The following TRIM14 variants were observed in gnomAD, a reference collection of about 807,000 sequenced individuals.
The protein encoded by TRIM14 is tripartite motif-containing protein 14.
A neutral mutation model predicts 44.5 loss-of-function variants in TRIM14; 28 were observed. The observed-to-expected ratio is 0.63, with a 90% CI of 0.47 to 0.86. TRIM14 has a LOEUF of 0.86. TRIM14 is among the 40% of genes least tolerant of loss of function. The pLI is 0.00. For synonymous variants in TRIM14, 299 were observed against 269.2 expected, an observed-to-expected ratio of 1.11 and a Z score of -1.08; for missense variants, 607 against 611.1, an observed-to-expected ratio of 0.99 and a Z score of 0.07.
rs1825688356 is a variant in TRIM14, at chr9:98,084,387, A to G, written c.*3083T>C. 6.6e-6 allele frequency: 1 copy of G among 152,240 alleles called. No homozygotes were observed. Among genetic ancestry groups the G allele is most frequent in the African/African-American group, 2.4e-5 (1 of 41,446 alleles). The allele number at this position is 152,240 out of a possible 1,614,324, so 9.4% of individuals were successfully genotyped here. A position where few individuals can be genotyped will look rare whatever the true frequency, so the allele number is the denominator to read the frequency against. The stretch of plus-strand genomic sequence containing the variant: ...ACATTATTCACATTTTATTAAACCA[A>G]ATATTAGAAAATTGCTGTCATTTAA... On this transcript the variant is annotated 3_prime_UTR_variant, in exon 6 of 6. Transcript: ENST00000341469.
the TRIM14 span, among the ~76,000 whole-genome samples, chr9:98,056,567 C>G: frequency 2.0e-5 from 3 of 152,158 alleles, no homozygotes; most frequent in Admixed American, 2.0e-4. Context: ...AGGAGAGGGC[C>G]GCGGAGCTTC....
At position 98,095,391 on chromosome 9, in the gene TRIM14, C is replaced by T. The variant is rs1826149904; in HGVS notation, c.538-362G>A. Among the ~76,000 whole-genome samples the T allele has an allele frequency of 1.3e-5, 2 of 152,220 alleles. No homozygotes were observed. The highest frequency in any genetic ancestry group is 2.9e-5 in the Non-Finnish European group (2 of 68,034). On this transcript the variant is annotated intron_variant, in intron 3 of 5. Transcript: ENST00000341469. The surrounding 1 kb of genome is among the most constrained non-coding windows in gnomAD (Gnocchi z 4.1). ...GCCCTTCCCAGAGAGGCTTCAGCCT[C>T]ACACACACTGCGCCACGGGTCTGCC...
chr9:98,105,874 C>T (rs951873846), intron 2 of TRIM14, among the ~76,000 whole-genome samples: 2 of 152,188 alleles, frequency 1.3e-5, no homozygotes, highest in African/African-American at 2.4e-5. Flanking sequence ...ACTCCACCCC[C>T]GGGCCCAGGG....
chr9:98,103,673 C>T (rs1481634031), intron 2 of TRIM14, among the ~76,000 whole-genome samples: 1 of 151,848 alleles, frequency 6.6e-6, no homozygotes, highest in East Asian at 1.9e-4. Flanking sequence ...CCTGTCTCTA[C>T]TAAAGATATA....
At chr9:98,070,254 A>G (rs1182440605) in intron 6 of TRIM14, among the ~76,000 whole-genome samples, 1 of 152,116 alleles carries the variant, frequency 6.6e-6, no homozygotes, top group Non-Finnish European at 1.5e-5. Context: ...AGTAGCTGGG[A>G]CTACAGGTGT....
chr9:98,056,997 C>T, the TRIM14 span: 1 of 1,494,762 alleles, frequency 6.7e-7, no homozygotes. Flanking sequence ...CGGGGCGGGG[C>T]CGCGGGGAGC....
chr9:98,093,596 C>A (rs1826076835), intron 4 of TRIM14, among the ~76,000 whole-genome samples: 1 of 152,098 alleles, frequency 6.6e-6, no homozygotes. Flanking sequence ...GCTCTCTGGC[C>A]CTTCAGACCC....
At chr9:98,069,125 A>G (rs1829236238), downstream of TRIM14, 1 of 152,212 alleles carries the variant, frequency 6.6e-6, no homozygotes, top group Admixed American at 6.5e-5. Flanking sequence ...ACATTCATAC[A>G]AAAACCTGTA....
the TRIM14 span, among the ~76,000 whole-genome samples, chr9:98,036,889 G>A: frequency 1.6e-4 from 24 of 152,220 alleles, no homozygotes; most frequent in Admixed American, 8.5e-4. Flanking sequence ...CCCTGGCCCC[G>A]TAGGACACAG....
downstream of TRIM14, chr9:98,082,810 T>C (rs375501026): frequency 8.7e-6 from 14 of 1,602,544 alleles, no homozygotes; most frequent in Non-Finnish European, 1.0e-5. Context: ...TAGTTACTTC[T>C]GTGAAGCTGG....
chr9:98,098,125 C>G (rs148756859), intron 3 of TRIM14, among the ~76,000 whole-genome samples: 1 of 152,294 alleles, frequency 6.6e-6, no homozygotes, highest in African/African-American at 2.4e-5. Context: ...GTTGGTGCCA[C>G]TTTTAGTTGT....
Position 98,116,457 on chromosome 9 carries a change from G to A in TRIM14, c.207+2525C>T, listed in dbSNP as rs1403226557. Reference sequence around the variant, plus strand: ...AAGATATTTTGGGACCTTGAGAAGAGAATAATTCACCCAATGTGTATGGGT... The same window carrying A: ...AAGATATTTTGGGACCTTGAGAAGAAAATAATTCACCCAATGTGTATGGGT... On this transcript the variant is annotated intron_variant, in intron 1 of 5. Coordinates refer to ENST00000341469, the MANE Select transcript of TRIM14 (RefSeq NM_014788.4). Among the ~76,000 whole-genome samples the A allele has an allele frequency of 3.3e-5, 5 of 152,290 alleles. No individual in the cohort carries two copies. The East Asian group carries it at 9.6e-4, about 29-fold the overall frequency.
the TRIM14 span, among the ~76,000 whole-genome samples, chr9:98,044,295 C>A: frequency 1.3e-4 from 20 of 151,736 alleles, no homozygotes; most frequent in African/African-American, 4.1e-4. Flanking sequence ...AGGGTCAACC[C>A]TCCAGACACT....
downstream of TRIM14, chr9:98,081,344 A>C: frequency 4.0e-6 from 2 of 499,072 alleles, no homozygotes; most frequent in Non-Finnish European, 3.6e-6. Context: ...TCTTCCACTA[A>C]TTCTCTGAAG....
downstream of TRIM14, among the ~76,000 whole-genome samples, chr9:98,065,906 C>T (rs556500282): frequency 3.2e-4 from 48 of 152,172 alleles, no homozygotes; most frequent in African/African-American, 1.1e-3. Context: ...GTGCCTTTTG[C>T]CCCCCACCAT....
At chr9:98,111,214 G>A (rs1826841762) in intron 1 of TRIM14, among the ~76,000 whole-genome samples, 2 of 151,976 alleles carry the variant, frequency 1.3e-5, no homozygotes, top group South Asian at 2.1e-4. Context: ...ATGAATAATG[G>A]GTGAATGGAT....
downstream of TRIM14, among the ~76,000 whole-genome samples, chr9:98,066,178 A>G (rs531442630): frequency 2.0e-5 from 3 of 152,322 alleles, no homozygotes; most frequent in Admixed American, 6.5e-5. Flanking sequence ...CATTGCAGTG[A>G]CAATTAAAAA....
intron 6 of TRIM14, among the ~76,000 whole-genome samples, chr9:98,079,317 T>TA (rs561811705): frequency 6.6e-4 from 101 of 152,310 alleles, no homozygotes; most frequent in Non-Finnish European, 9.7e-4. Flanking sequence ...TTAAAACTAT[T>TA]ATAGTAACAT....
chr9:98,063,323 C>T, the TRIM14 span, among the ~76,000 whole-genome samples: 10 of 152,102 alleles, frequency 6.6e-5, no homozygotes, highest in African/African-American at 2.2e-4. Flanking sequence ...CTCACTGCAA[C>T]CTCTGCCTCC....
Sources: allele counts gnomAD v4.1 joint callset (sites outside exome capture counted in the v4.1 genomes callset), GRCh38; gene constraint gnomAD v4.1.1; non-coding constraint Gnocchi (gnomAD v3.1); transcripts MANE v1.5; gene names NCBI Gene and HGNC (gene_info 2026-07-23, HGNC 2026-07-21).